The following ZNF362 variants were observed in gnomAD, a reference collection of about 807,000 sequenced individuals.
ZNF362 encodes zinc finger protein 362.
Under a neutral mutation model 42.9 loss-of-function variants are expected in ZNF362, and 11 were observed. The ratio of observed to expected loss-of-function variants is 0.26; its 90% CI spans 0.16 to 0.42. The LOEUF (loss-of-function observed/expected upper bound fraction) is 0.42. ZNF362 is among the 20% of genes least tolerant of loss of function. ZNF362 has a pLI of 1.00. For synonymous variants in ZNF362, 255 were observed against 257.3 expected (o/e 0.99, Z 0.09); for missense variants, 362 against 576.2 (o/e 0.63, Z 3.81).
At chr1:33,295,337 G>T (rs957398110) in intron 8 of ZNF362, 32 bp downstream of exon 8, 1 of 1,605,874 alleles carries the variant, frequency 6.2e-7, no homozygotes, top group Admixed American at 1.7e-5. Context: ...CCCTGCCCCG[G>T]GGGAGCCACT....
the ZNF362 span, among the ~76,000 whole-genome samples, chr1:33,182,600 T>TTGTGTGTG: frequency 4.4e-3 from 653 of 147,080 alleles, 6 homozygotes; most frequent in African/African-American, 0.015. Context: ...AGTGCTGTAT[T>TTGTGTGTG]TGTGTGTGTG....
At chr1:33,257,235 C>T (rs1379986517) in intron 1 of ZNF362, among the ~76,000 whole-genome samples, 1 of 151,816 alleles carries the variant, frequency 6.6e-6, no homozygotes, top group Non-Finnish European at 1.5e-5. Flanking sequence ...AGAGGGGGCA[C>T]CCGAAGGGTT....
upstream of ZNF362, among the ~76,000 whole-genome samples, chr1:33,256,258 CCCCCCGCCCGG>C (rs1391612302): frequency 1.4e-5 from 2 of 142,664 alleles, no homozygotes; most frequent in Non-Finnish European, 3.1e-5. Context: ...CCCGCCCCCG[CCCCCCGCCCGG>C]CCCCCTCCCC....
chr1:33,209,470 A>G, the ZNF362 span, among the ~76,000 whole-genome samples: 22 of 152,214 alleles, frequency 1.4e-4, no homozygotes, highest in South Asian at 4.1e-4. Context: ...CTCTTTTTCT[A>G]TTGATTGGAA....
the ZNF362 span, among the ~76,000 whole-genome samples, chr1:33,207,458 A>T: frequency 6.6e-6 from 1 of 152,202 alleles, no homozygotes; most frequent in East Asian, 1.9e-4. Flanking sequence ...TCCTTTGGGT[A>T]TATACCCACT....
At chr1:33,153,925 G>T in the ZNF362 span, among the ~76,000 whole-genome samples, 1 of 152,234 alleles carries the variant, frequency 6.6e-6, no homozygotes, top group Non-Finnish European at 1.5e-5. Context: ...AGTCTAGTGA[G>T]TGAGACAGCC....
At chr1:33,180,969 C>T in the ZNF362 span, 8 of 575,532 alleles carry the variant, frequency 1.4e-5, no homozygotes, top group African/African-American at 3.9e-5. Flanking sequence ...CACCCCCCGC[C>T]CGGCCCCACC....
chr1:33,201,376 G>T, the ZNF362 span, among the ~76,000 whole-genome samples: 2 of 152,146 alleles, frequency 1.3e-5, no homozygotes, highest in Admixed American at 1.3e-4. Context: ...TACTAAGACA[G>T]ACCATATTCT....
At chr1:33,202,294 T>C in the ZNF362 span, among the ~76,000 whole-genome samples, 1 of 152,132 alleles carries the variant, frequency 6.6e-6, no homozygotes, top group Admixed American at 6.5e-5. Flanking sequence ...TTTAACAATA[T>C]ATAAAGAAGA....
At chr1:33,172,157 C>G in the ZNF362 span, among the ~76,000 whole-genome samples, 2 of 152,184 alleles carry the variant, frequency 1.3e-5, no homozygotes, top group Admixed American at 6.5e-5. Context: ...TAATTCATGA[C>G]CTGACATGAC....
the ZNF362 span, among the ~76,000 whole-genome samples, chr1:33,241,558 A>T: frequency 4.6e-5 from 7 of 152,184 alleles, no homozygotes; most frequent in African/African-American, 1.7e-4. Flanking sequence ...ACTAAAATAA[A>T]TAAGTAAATA....
chr1:33,158,902 G>A, the ZNF362 span, among the ~76,000 whole-genome samples: 2 of 151,432 alleles, frequency 1.3e-5, no homozygotes, highest in Non-Finnish European at 2.9e-5. Context: ...GTGCAATGGC[G>A]CGATCTCAGC....
Position 33,281,980 on chromosome 1 carries a change from G to A in ZNF362, c.908+169G>A, listed in dbSNP as rs868620552. 1.7e-5 allele frequency: 11 copies of A among 633,614 alleles called. No homozygotes were observed. The highest frequency in any genetic ancestry group is 2.8e-5 in the Non-Finnish European group (10 of 362,996). 39.2% of individuals were successfully genotyped at this position (633,614 alleles called of 1,614,324 possible). A position where few individuals can be genotyped will look rare whatever the true frequency, so the allele number is the denominator to read the frequency against. On this transcript the variant is annotated intron_variant, in intron 6 of 8. Coordinates refer to ENST00000539719, the MANE Select transcript of ZNF362 (RefSeq NM_152493.3). This position sits in a 1 kb window ranked among gnomAD's most constrained non-coding sequence, Gnocchi z 4.8. The stretch of plus-strand genomic sequence containing the variant: ...GCCTCAGCTGTTGTTACTGCACCCC[G>A]TCCCCACTGTTTCTCATCTCTAGGT...
rs1462692303 is a variant in ZNF362, at chr1:33,280,309, A to G, written c.535A>G (p.Ile179Val). 1 of 1,613,934 alleles carries G rather than the reference A, an allele frequency of 6.2e-7. No homozygotes were observed. The highest frequency in any genetic ancestry group is 1.7e-5 in the Admixed American group (1 of 60,018). ...SPPLLDSIKTIQGHGLLGPPK... is the reference protein window; with the variant it reads ...SPPLLDSIKTVQGHGLLGPPK... ...CCCTCTCCTGGACTCCATCAAGACA[A>G]TCCAGGGCCACGGCCTGCTTGGCCC... The change falls in exon 5 of 9, where the codon ATC becomes GTC. Residue 179 changes from isoleucine to valine, a missense_variant. Around this residue, in one of 3 missense-constraint regions of ZNF362, gnomAD observed 266 missense variants for 365.4 expected, o/e 0.73. Coordinates refer to ENST00000539719, the MANE Select transcript of ZNF362 (RefSeq NM_152493.3). This position sits in a 1 kb window ranked among gnomAD's most constrained non-coding sequence, Gnocchi z 5.6.
chr1:33,254,889 C>T (rs1645777360), upstream of ZNF362, among the ~76,000 whole-genome samples: 2 of 152,164 alleles, frequency 1.3e-5, no homozygotes, highest in African/African-American at 4.8e-5. Context: ...AATTTATTAT[C>T]TCATTGAATT....
At chr1:33,174,335 C>G in the ZNF362 span, among the ~76,000 whole-genome samples, 1 of 152,156 alleles carries the variant, frequency 6.6e-6, no homozygotes, top group Admixed American at 6.5e-5. Flanking sequence ...GTGCATGAAA[C>G]CATGCCCAGC....
At chr1:33,218,978 C>CACACACACATACAT in the ZNF362 span, among the ~76,000 whole-genome samples, 10 of 134,340 alleles carry the variant, frequency 7.4e-5, no homozygotes, top group Non-Finnish European at 1.5e-4. Flanking sequence ...CACACACACA[C>CACACACACATACAT]ACATACACCA....
In ZNF362 at chr1:33,256,826, A is replaced by AGCGGCGGCG. The variant is rs551197216; in HGVS notation, c.-89+184_-89+192dup. 1.9e-4 allele frequency among the ~76,000 whole-genome samples: 28 copies of AGCGGCGGCG among 144,202 alleles called. No individual in the cohort carries two copies. The East Asian group carries it at 2.3e-3, about 12-fold the overall frequency. 94.6% of individuals were successfully genotyped at this position (144,202 alleles called of 152,430 possible). A position where few individuals can be genotyped will look rare whatever the true frequency, so the allele number is the denominator to read the frequency against. On this transcript the variant is annotated intron_variant, in intron 1 of 8. Coordinates refer to ENST00000539719, the MANE Select transcript of ZNF362 (RefSeq NM_152493.3). ...CGCCTGCGCCTCGGGCCCGGCCCAG[A>AGCGGCGGCG]GCGGCGGCGGCGGCGGCGGCAGCGG...
At chr1:33,194,143 GGA>G in the ZNF362 span, among the ~76,000 whole-genome samples, 2 of 152,108 alleles carry the variant, frequency 1.3e-5, no homozygotes, top group Non-Finnish European at 2.9e-5. Flanking sequence ...AGACACAGAT[GGA>G]GAGAGAGAAT....
Sources: allele counts gnomAD v4.1 joint callset (sites outside exome capture counted in the v4.1 genomes callset), GRCh38; gene constraint gnomAD v4.1.1; regional missense constraint gnomAD v4.1.1; non-coding constraint Gnocchi (gnomAD v3.1); transcripts MANE v1.5; gene names NCBI Gene and HGNC (gene_info 2026-07-23, HGNC 2026-07-21).